Variants in SMG1 observed in about 807,000 individuals in gnomAD.
SMG1 encodes the protein SMG1 nonsense mediated mRNA decay associated PI3K related kinase.
Under a neutral mutation model 419.9 loss-of-function variants are expected in SMG1, and 22 were observed. The ratio of observed to expected loss-of-function variants is 0.05; its 90% CI spans 0.04 to 0.07. SMG1 has a LOEUF of 0.07. SMG1 is among the 10% of genes least tolerant of loss of function. The pLI, the probability that SMG1 is intolerant of heterozygous loss-of-function variation, is 1.00. For missense variants in SMG1, 3,185 were observed against 4,342.0 expected, an observed-to-expected ratio of 0.73 and a Z score of 7.49; for synonymous variants, 1,538 against 1,553.5, an observed-to-expected ratio of 0.99 and a Z score of 0.23.
At chr16:18,818,799 CTT>C (rs757262191) in intron 56 of SMG1, among the ~76,000 whole-genome samples, 71 of 149,004 alleles carry the variant, frequency 4.8e-4, no homozygotes, top group Admixed American at 8.1e-4. Flanking sequence ...TCCACAGCCT[CTT>C]GACAGGGCAC....
intron 1 of SMG1, among the ~76,000 whole-genome samples, chr16:18,913,662 T>C (rs1224265618): frequency 6.6e-6 from 1 of 152,062 alleles, no homozygotes; most frequent in African/African-American, 2.4e-5. Context: ...TAACAACTTC[T>C]TAAAAACCTG....
rs1301769466 is a variant in SMG1, at chr16:18,926,291, T to G, written c.-250A>C. 4.0e-6 allele frequency: 2 copies of G among 500,668 alleles called. No homozygotes were observed. The highest frequency in any genetic ancestry group is 7.0e-6 in the Non-Finnish European group (2 of 286,128). The allele number at this position is 500,668 out of a possible 1,614,324, so 31.0% of individuals were successfully genotyped here. A position where few individuals can be genotyped will look rare whatever the true frequency, so the allele number is the denominator to read the frequency against. The stretch of plus-strand genomic sequence containing the variant: ...AGCGGCGCGGTGAGAGAGAGGCGGA[T>G]GAAGGGGAGGCGACGTCTTTTCCAG... On this transcript the variant is annotated 5_prime_UTR_variant, in exon 1 of 63. Transcript: ENST00000446231.
intron 8 of SMG1, chr16:18,884,843 C>T: frequency 2.1e-6 from 1 of 477,906 alleles, no homozygotes. Context: ...TCTTACCATA[C>T]ACTTTCCTAC....
intron 1 of SMG1, among the ~76,000 whole-genome samples, chr16:18,903,896 ATCTG>A (rs2037447072): frequency 6.8e-6 from 1 of 146,604 alleles, no homozygotes; most frequent in African/African-American, 2.6e-5. Flanking sequence ...GATCATCTGG[ATCTG>A]TCTATTCCCC....
At chr16:18,837,908 G>A in intron 45 of SMG1, 106 bp downstream of exon 45, 1 of 1,248,426 alleles carries the variant, frequency 8.0e-7, no homozygotes. Context: ...TTATACATTA[G>A]TTTTGCCAAA....
At position 18,845,476 on chromosome 16, in the gene SMG1, G is replaced by T; in HGVS notation, c.6172C>A (p.Pro2058Thr). The change falls in exon 39 of 63, where the codon CCA becomes ACA. Residue 2058 changes from proline (P) to threonine (T), a missense_variant. Coordinates refer to ENST00000446231, the MANE Select transcript of SMG1 (RefSeq NM_015092.5). ...IENALEKLKT[P>T]LNPAKPGSSW... ...CTCCCAGGCTTTGCAGGGTTCAATG[G>T]AGTCTTCAGTTTTTCTAGGGCATTT... is the stretch of plus-strand genomic sequence containing the variant. The T allele has an allele frequency of 6.2e-7, 1 of 1,613,960 alleles. No individual in the cohort carries two copies. Among genetic ancestry groups the T allele is most frequent in the Middle Eastern group, 1.6e-4 (1 of 6,062 alleles).
chr16:18,815,834 A>C, intron 58 of SMG1, 183 bp from the exon 59 acceptor site: 1 of 580,700 alleles, frequency 1.7e-6, no homozygotes, highest in Non-Finnish European at 3.0e-6. Context: ...AGTAAAAGTA[A>C]ATTCTAAAAT....
At chr16:18,909,665 C>T (rs539716787) in intron 1 of SMG1, among the ~76,000 whole-genome samples, 1 of 152,290 alleles carries the variant, frequency 6.6e-6, no homozygotes, top group South Asian at 2.1e-4. Context: ...AAATCAAATA[C>T]TGAAAAAGGA....
chr16:18,914,847 T>C (rs1451947092), intron 1 of SMG1, among the ~76,000 whole-genome samples: 4 of 152,058 alleles, frequency 2.6e-5, no homozygotes, highest in Non-Finnish European at 5.9e-5. Context: ...ACAGATACAA[T>C]AGACCCAAGA....
Position 18,838,223 on chromosome 16 carries a change from T to C in SMG1, c.7204A>G (p.Ile2402Val). 1 of 1,611,106 alleles carries C rather than the reference T, an allele frequency of 6.2e-7. No individual in the cohort carries two copies. The highest frequency in any genetic ancestry group is 8.5e-7 in the Non-Finnish European group (1 of 1,178,378). The change falls in exon 45 of 63, where the codon ATT becomes GTT. Residue 2402 changes from isoleucine (I) to valine (V), a missense_variant. Transcript: ENST00000446231. ...FRLSCEQVLH[I>V]MRRGRETLLT... is the part of the protein sequence containing the mutation. ...AGGGTCTCTCTGCCACGCCGCATAATGTGTAAAACCTGTTTTCAGGAGAGT... is the reference window on the plus strand; with the variant it reads ...AGGGTCTCTCTGCCACGCCGCATAACGTGTAAAACCTGTTTTCAGGAGAGT...
intron 6 of SMG1, among the ~76,000 whole-genome samples, chr16:18,887,520 T>TTTTTTTTTG (rs1567427803): frequency 1.4e-3 from 61 of 42,670 alleles, no homozygotes; most frequent in African/African-American, 2.5e-3. Flanking sequence ...TTTTTCCTTT[T>TTTTTTTTTG]TTTTTTTTTT....
chr16:18,868,440 TCTA>T (rs2035637469), intron 21 of SMG1, 80 bp downstream of exon 21: 1 of 1,487,926 alleles, frequency 6.7e-7, no homozygotes, highest in Admixed American at 1.9e-5. Context: ...AATACACAAG[TCTA>T]CTGTGATTTC....
intron 5 of SMG1, 52 bp from the exon 6 acceptor site, chr16:18,889,637 C>T: frequency 1.9e-6 from 1 of 519,984 alleles, no homozygotes; most frequent in Admixed American, 3.2e-5. Context: ...CTTAAGTTTT[C>T]TATGATGACA....
chr16:18,862,822 C>T (rs2035283814), intron 25 of SMG1, among the ~76,000 whole-genome samples: 1 of 152,206 alleles, frequency 6.6e-6, no homozygotes, highest in South Asian at 2.1e-4. Context: ...TAAGGCACTC[C>T]TAAACACAGA....
At chr16:18,827,613 C>T (rs1313049952) in intron 55 of SMG1, among the ~76,000 whole-genome samples, 2 of 134,870 alleles carry the variant, frequency 1.5e-5, no homozygotes, top group African/African-American at 5.5e-5. Context: ...TATAAATATA[C>T]CAAAATATAT....
chr16:18,923,540 G>C (rs1377784996), intron 1 of SMG1, among the ~76,000 whole-genome samples: 1 of 151,874 alleles, frequency 6.6e-6, no homozygotes, highest in African/African-American at 2.4e-5. Flanking sequence ...GCTGAGGCAG[G>C]AGAATTTTTC....
At chr16:18,874,222 T>C (rs2035980817) in intron 13 of SMG1, among the ~76,000 whole-genome samples, 1 of 152,064 alleles carries the variant, frequency 6.6e-6, no homozygotes, top group Admixed American at 6.5e-5. Flanking sequence ...CACTGCAACC[T>C]CCACTTCCTG....
intron 1 of SMG1, among the ~76,000 whole-genome samples, chr16:18,906,665 A>G (rs1338284882): frequency 2.0e-5 from 3 of 152,174 alleles, no homozygotes; most frequent in Admixed American, 2.0e-4. Context: ...AAACATATAA[A>G]AAGGAAAAAC....
chr16:18,885,483 T>TCA (rs2036574559), intron 7 of SMG1, 58 bp downstream of exon 7: 1 of 1,587,132 alleles, frequency 6.3e-7, no homozygotes, highest in East Asian at 2.2e-5. Context: ...CCTCAGATCC[T>TCA]CACACACACA....
Sources: allele counts gnomAD v4.1 joint callset (sites outside exome capture counted in the v4.1 genomes callset), GRCh38; gene constraint gnomAD v4.1.1; transcripts MANE v1.5; gene names NCBI Gene and HGNC (gene_info 2026-07-23, HGNC 2026-07-21).